Variants in FBXO46 observed in about 807,000 individuals in gnomAD.
The protein encoded by FBXO46 is F-box protein 46.
In FBXO46, 13 loss-of-function variants were observed where a neutral mutation model predicts 30.7. The ratio of observed to expected loss-of-function variants is 0.42; its 90% CI spans 0.28 to 0.67. FBXO46 has a LOEUF of 0.67. Ranked by LOEUF, FBXO46 falls within the 30% of genes least tolerant of loss-of-function variation. The probability of loss-of-function intolerance (pLI) is 0.21; values close to 1 mark genes in which losing one functional copy is unlikely to be tolerated. For synonymous variants in FBXO46, 467 were observed against 385.8 expected, an observed-to-expected ratio of 1.21 and a Z score of -2.47; for missense variants, 754 against 871.5, an observed-to-expected ratio of 0.87 and a Z score of 1.70.
At chr19:45,727,606 A>G (rs932701614) in intron 1 of FBXO46, among the ~76,000 whole-genome samples, 1 of 151,864 alleles carries the variant, frequency 6.6e-6, no homozygotes, top group Non-Finnish European at 1.5e-5. Context: ...GTGGGAATGC[A>G]GCTTGGCCAA....
chr19:45,732,256 A>G (rs1235864563), upstream of FBXO46, among the ~76,000 whole-genome samples: 1 of 152,160 alleles, frequency 6.6e-6, no homozygotes, highest in Non-Finnish European at 1.5e-5. Flanking sequence ...CAGACACCCT[A>G]CAGACAACCC....
At chr19:45,720,544 C>G (rs1032987073) in intron 1 of FBXO46, among the ~76,000 whole-genome samples, 1 of 152,198 alleles carries the variant, frequency 6.6e-6, no homozygotes. Flanking sequence ...GCTAGGATTA[C>G]AGGTGTGAGC....
chr19:45,719,267 TAAATAAATAAA>T (rs1968140718), intron 1 of FBXO46, among the ~76,000 whole-genome samples: 1 of 151,744 alleles, frequency 6.6e-6, no homozygotes, highest in Non-Finnish European at 1.5e-5. Flanking sequence ...AAAAATAAAT[TAAATAAATAAA>T]AAATAAATAA....
At chr19:45,724,304 T>C (rs1600365689) in intron 1 of FBXO46, among the ~76,000 whole-genome samples, 2 of 152,226 alleles carry the variant, frequency 1.3e-5, no homozygotes, top group East Asian at 3.9e-4. Context: ...GGAGACAGAA[T>C]GTTAAAAAAT....
chr19:45,726,397 T>G (rs1024877442), intron 1 of FBXO46, among the ~76,000 whole-genome samples: 2 of 151,808 alleles, frequency 1.3e-5, no homozygotes, highest in Non-Finnish European at 2.9e-5. Context: ...CCTGTAATTC[T>G]AGCACTTTGG....
rs370610228 is a variant in FBXO46, at chr19:45,712,820, G to T, written c.676C>A (p.Arg226Ser). The change falls in exon 2 of 2, where the codon CGT becomes AGT. Residue 226 changes from arginine (R) to serine (S), a missense_variant. This residue lies in a region of FBXO46 where 454 missense variants were observed against 426.5 expected (regional missense o/e 1.06). Transcript: ENST00000317683. This position sits in a 1 kb window ranked among gnomAD's most constrained non-coding sequence, Gnocchi z 8.8. ...ERRSGGGDCSRVAEAVAHFEA... is the reference protein window; with the variant it reads ...ERRSGGGDCSSVAEAVAHFEA... ...AAGTGGGCCACGGCCTCGGCTACAC[G>T]GCTGCAGTCCCCACCACCGGACCGC... 1.9e-5 allele frequency: 30 copies of T among 1,612,682 alleles called. No homozygotes were observed. The highest frequency in any genetic ancestry group is 2.5e-5 in the Non-Finnish European group (29 of 1,179,582).
At position 45,713,115 on chromosome 19, in the gene FBXO46, A is replaced by G. The variant is rs773009792; in HGVS notation, c.381T>C (p.Asp127=). 4.3e-6 allele frequency: 7 copies of G among 1,611,622 alleles called. No homozygotes were observed. The South Asian group carries it at 4.4e-5, about 10-fold the overall frequency. The change falls in exon 2 of 2, where the codon GAT becomes GAC. Residue 127 remains aspartate, a synonymous_variant. Coordinates refer to ENST00000317683, the MANE Select transcript of FBXO46 (RefSeq NM_001080469.2). The surrounding 1 kb of genome is among the most constrained non-coding windows in gnomAD (Gnocchi z 4.7). ...GCCTCCGCCGCTTGGCCTTGGAGCT[A>G]TCGCTGCCCCAGTGCCCCTTGACCT... The part of the protein sequence containing the change: ...SMKVKGHWGS[D]SSKAKRRRRC...
At chr19:45,716,951 G>T (rs1315811025) in intron 1 of FBXO46, 2 of 152,140 alleles carry the variant, frequency 1.3e-5, no homozygotes, top group East Asian at 3.9e-4. Context: ...GTACTCTCGG[G>T]CTCTTTGCTT....
At position 45,712,352 on chromosome 19, in the gene FBXO46, T is replaced by G. The variant is rs368884107; in HGVS notation, c.1144A>C (p.Lys382Gln). The G allele has an allele frequency of 3.7e-6, 6 of 1,601,950 alleles. No homozygotes were observed. In the African/African-American group the frequency reaches 8.0e-5, roughly 21 times the overall value. Residue 382 changes from lysine to glutamine, a missense_variant, in exon 2 of 2, where the codon AAG becomes CAG. Physicochemically the swap from Lys to Gln is moderately conservative, Grantham distance 53 (BLOSUM62 1). Coordinates refer to ENST00000317683, the MANE Select transcript of FBXO46 (RefSeq NM_001080469.2). The surrounding 1 kb of genome is among the most constrained non-coding windows in gnomAD (Gnocchi z 8.8). The stretch of plus-strand genomic sequence containing the variant: ...TCCTTCACGTTCTTGGTGCCGTCCT[T>G]GCCAAAGAAGATGCACTCATCTACC... ...GVVDECIFFG[K>Q]DGTKNVKEET... is the part of the protein sequence containing the mutation.
intron 1 of FBXO46, among the ~76,000 whole-genome samples, chr19:45,725,911 A>G (rs1968233072): frequency 6.6e-6 from 1 of 151,858 alleles, no homozygotes; most frequent in South Asian, 2.1e-4. Flanking sequence ...TCGCTCTATC[A>G]CCCAGGCTAT....
Position 45,711,788 on chromosome 19 carries a change from C to T in FBXO46, c.1708G>A (p.Asp570Asn). ...AGGCGGCAGCCGGGAGTCTCGCGGT[C>T]GGCTCGACGGCAGCACATCCAGTAG... ...RSYWMCCRRADRETPGCRLGL... is the reference protein window; with the variant it reads ...RSYWMCCRRANRETPGCRLGL... The change falls in exon 2 of 2, where the codon GAC (aspartate) becomes AAC (asparagine). Residue 570 changes from aspartate to asparagine, a missense_variant. Asp to Asn is a conservative substitution (Grantham distance 23). Transcript: ENST00000317683. 1 of 1,604,304 alleles carries T rather than the reference C, an allele frequency of 6.2e-7. No homozygotes were observed. The highest frequency in any genetic ancestry group is 8.5e-7 in the Non-Finnish European group (1 of 1,176,768).
chr19:45,730,619 C>T (rs188873221), intron 1 of FBXO46, among the ~76,000 whole-genome samples: 1 of 152,040 alleles, frequency 6.6e-6, no homozygotes, highest in Non-Finnish European at 1.5e-5. Flanking sequence ...CAGCTCTGAG[C>T]CCCTTTACAA....
chr19:45,720,638 T>C (rs1968157304), intron 1 of FBXO46, among the ~76,000 whole-genome samples: 1 of 151,884 alleles, frequency 6.6e-6, no homozygotes, highest in Admixed American at 6.6e-5. Context: ...TTACATTTTT[T>C]TGTACTGATG....
chr19:45,724,674 A>C (rs1968215128), intron 1 of FBXO46, among the ~76,000 whole-genome samples: 1 of 152,010 alleles, frequency 6.6e-6, no homozygotes, highest in Non-Finnish European at 1.5e-5. Flanking sequence ...TTTCTGTTCG[A>C]GACGGAGGCC....
Position 45,713,704 on chromosome 19 carries a change from A to T in FBXO46, c.-78-131T>A, listed in dbSNP as rs1968040259. The T allele has an allele frequency of 4.1e-6, 2 of 488,480 alleles. No individual in the cohort carries two copies. Among genetic ancestry groups the T allele is most frequent in the Non-Finnish European group, 7.3e-6 (2 of 274,142 alleles). The allele number at this position is 488,480 out of a possible 1,614,324, so 30.3% of individuals were successfully genotyped here. On this transcript the variant is annotated intron_variant, in intron 1 of 1. Coordinates refer to ENST00000317683, the MANE Select transcript of FBXO46 (RefSeq NM_001080469.2). This position sits in a 1 kb window ranked among gnomAD's most constrained non-coding sequence, Gnocchi z 4.7. ...TATTCCTGGCTGGGCGCGGTGGCTC[A>T]CGCCTGTAATCCCAGCACTTTGGGA...
chr19:45,717,909 G>A (rs1418329998), intron 1 of FBXO46, among the ~76,000 whole-genome samples: 1 of 152,172 alleles, frequency 6.6e-6, no homozygotes, highest in Admixed American at 6.5e-5. Flanking sequence ...TAGGCCTGGC[G>A]TTCAAGGCTC....
chr19:45,724,625 A>G (rs1237446502), intron 1 of FBXO46, among the ~76,000 whole-genome samples: 1 of 151,820 alleles, frequency 6.6e-6, no homozygotes, highest in Admixed American at 6.6e-5. Flanking sequence ...TGGGCAATAT[A>G]GCAAGACCCT....
intron 1 of FBXO46, chr19:45,715,121 C>T (rs1395419691): frequency 6.6e-6 from 1 of 152,162 alleles, no homozygotes; most frequent in African/African-American, 2.4e-5. Context: ...TGTGAATGAC[C>T]TAATCTGGAG....
At chr19:45,715,742 G>A (rs1439695102) in intron 1 of FBXO46, 2 of 137,608 alleles carry the variant, frequency 1.5e-5, no homozygotes, top group Non-Finnish European at 3.0e-5. Flanking sequence ...GGAGGCGGAG[G>A]TTGCAGTGAA....
Sources: allele counts gnomAD v4.1 joint callset (sites outside exome capture counted in the v4.1 genomes callset), GRCh38; gene constraint gnomAD v4.1.1; regional missense constraint gnomAD v4.1.1; non-coding constraint Gnocchi (gnomAD v3.1); transcripts MANE v1.5; gene names NCBI Gene and HGNC (gene_info 2026-07-23, HGNC 2026-07-21).